The following ARRB2 variants were observed in gnomAD, a reference collection of about 807,000 sequenced individuals.
The protein encoded by ARRB2 is beta-arrestin-2.
A neutral mutation model predicts 53.4 loss-of-function variants in ARRB2; 21 were observed. That is an observed-to-expected ratio of 0.39 (90% CI 0.28 to 0.57). The LOEUF is 0.57. ARRB2 is among the 20% of genes least tolerant of loss of function. The pLI, the probability that ARRB2 is intolerant of heterozygous loss-of-function variation, is 0.55. For missense variants in ARRB2, 369 were observed against 527.5 expected (o/e 0.70, Z 2.94); for synonymous variants, 180 against 212.9 (o/e 0.85, Z 1.34).
rs988113358 is a variant in ARRB2, at chr17:4,715,812, G to A, written c.55-161G>A. The A allele has an allele frequency of 4.1e-5, 31 of 762,240 alleles. 1 individual carries two copies. The highest frequency in any genetic ancestry group is 1.7e-5 in the Non-Finnish European group (8 of 464,070). The allele number at this position is 762,240 out of a possible 1,614,324, so 47.2% of individuals were successfully genotyped here. ...CTAAAGGTCCACTAGTCTGAGAAAC[G>A]CCACCACCCTCACTTTCCAACACTA... On this transcript the variant is annotated intron_variant, in intron 2 of 14. Transcript: ENST00000269260.
At chr17:4,712,662 A>G (rs1914530779) in intron 1 of ARRB2, among the ~76,000 whole-genome samples, 1 of 152,250 alleles carries the variant, frequency 6.6e-6, no homozygotes, top group Non-Finnish European at 1.5e-5. Context: ...GAACAGGCCC[A>G]CAATTGGCCA....
chr17:4,719,655 G>T (rs1915488164), intron 11 of ARRB2, among the ~76,000 whole-genome samples: 1 of 152,174 alleles, frequency 6.6e-6, no homozygotes, highest in African/African-American at 2.4e-5. Flanking sequence ...GCAGTGAGGT[G>T]CGAAGGTGAA....
rs528072810 is a variant in ARRB2 at position 4,720,698 on chromosome 17, A to C, written c.1136+58A>C. The C allele has an allele frequency of 9.2e-6, 13 of 1,415,104 alleles. No homozygotes were observed. The East Asian group carries it at 2.7e-4, about 30-fold the overall frequency. 87.7% of individuals were successfully genotyped at this position (1,415,104 alleles called of 1,614,324 possible). A position where few individuals can be genotyped will look rare whatever the true frequency, so the allele number is the denominator to read the frequency against. On this transcript the variant is annotated intron_variant, in intron 14 of 14. Coordinates refer to ENST00000269260, the MANE Select transcript of ARRB2 (RefSeq NM_004313.4). ...GGGACAAAGATTCCTATAACATTCA[A>C]ATCTGCCCTCATACCTCTTCCTTGC... is the stretch of plus-strand genomic sequence containing the variant.
chr17:4,715,245 G>A, intron 2 of ARRB2: 1 of 635,620 alleles, frequency 1.6e-6, no homozygotes, highest in Non-Finnish European at 2.6e-6. Context: ...CACAGGGCTG[G>A]GTGGGGCAGG....
At chr17:4,718,414 C>A in intron 9 of ARRB2, 69 bp downstream of exon 9, 1 of 1,518,122 alleles carries the variant, frequency 6.6e-7, no homozygotes, top group Non-Finnish European at 9.1e-7. Context: ...CTGGTGTGAT[C>A]TCAGCCCAGG....
At chr17:4,715,221 C>T (rs1914821441) in intron 2 of ARRB2, 178 bp downstream of exon 2, 2 of 712,362 alleles carry the variant, frequency 2.8e-6, no homozygotes, top group Non-Finnish European at 4.5e-6. Context: ...AGAGGCTGCT[C>T]AGCCTGAGCC....
At position 4,720,294 on chromosome 17, in the gene ARRB2, A is replaced by T. The variant is rs1316090749; in HGVS notation, c.996A>T (p.Arg332=). The part of the protein sequence containing the change: ...YRVKVKLVVS[R]GGDVSVELPF... ...TCAAGGTGAAGCTGGTGGTGTCTCG[A>T]GGCGGGTGAGTGTCATGGGGGAGCC... Residue 332 remains arginine, a synonymous_variant, in exon 12 of 15, where the codon CGA becomes CGT. Transcript: ENST00000269260. 1.2e-6 allele frequency: 2 copies of T among 1,613,730 alleles called. No homozygotes were observed. Among genetic ancestry groups the T allele is most frequent in the Non-Finnish European group, 1.7e-6 (2 of 1,179,944 alleles).
Position 4,717,817 on chromosome 17 carries a change from G to A in ARRB2, c.485+65G>A, listed in dbSNP as rs1049979407. ...TTCCTCCCCGCTTCCAGGAGCCCAGGCCCCGTGCGGGGGAGGAGTAGGGTT... is the reference window on the plus strand; with the variant it reads ...TTCCTCCCCGCTTCCAGGAGCCCAGACCCCGTGCGGGGGAGGAGTAGGGTT... On this transcript the variant is annotated intron_variant, in intron 7 of 14. Transcript: ENST00000269260. The surrounding 1 kb of genome is among the most constrained non-coding windows in gnomAD (Gnocchi z 6.0). 2.5e-6 allele frequency: 4 copies of A among 1,601,864 alleles called. No homozygotes were observed. The African/African-American group carries it at 5.3e-5, about 21-fold the overall frequency.
chr17:4,720,091 G>C (rs928650293), intron 11 of ARRB2, 125 bp from the exon 12 acceptor site: 1 of 943,452 alleles, frequency 1.1e-6, no homozygotes, highest in Non-Finnish European at 1.6e-6. Flanking sequence ...GCACGGCCTG[G>C]GCTGCTGGGG....
intron 14 of ARRB2, 57 bp from the exon 15 acceptor site, chr17:4,720,889 G>A (rs1225759239): frequency 6.4e-7 from 1 of 1,558,198 alleles, no homozygotes; most frequent in East Asian, 2.3e-5. Context: ...CAGGGAGTGG[G>A]AGGCTGGGAC....
chr17:4,720,097 T>TGGGGCCCTG, intron 11 of ARRB2, 119 bp from the exon 12 acceptor site: 1 of 1,015,916 alleles, frequency 9.8e-7, no homozygotes, highest in East Asian at 2.6e-5. Flanking sequence ...CCTGGGCTGC[T>TGGGGCCCTG]GGGGCCCTGG....
Position 4,717,507 on chromosome 17 carries a change from C to A in ARRB2, c.418-178C>A. The stretch of plus-strand genomic sequence containing the variant: ...GGGATGGGGGCTCCCCTTGCACTAC[C>A]ATGACCAAGCCTCTGCCAGGTTCTG... On this transcript the variant is annotated intron_variant, in intron 6 of 14. Coordinates refer to ENST00000269260, the MANE Select transcript of ARRB2 (RefSeq NM_004313.4). The surrounding 1 kb of genome is among the most constrained non-coding windows in gnomAD (Gnocchi z 6.0). The A allele has an allele frequency of 1.1e-6, 1 of 951,942 alleles. No individual in the cohort carries two copies. The highest frequency in any genetic ancestry group is 1.6e-6 in the Non-Finnish European group (1 of 629,356). 59.0% of individuals were successfully genotyped at this position (951,942 alleles called of 1,614,324 possible). A position where few individuals can be genotyped will look rare whatever the true frequency, so the allele number is the denominator to read the frequency against.
At chr17:4,716,072 G>C (rs1914995611) in intron 3 of ARRB2, 39 bp downstream of exon 3, 2 of 1,614,080 alleles carry the variant, frequency 1.2e-6, no homozygotes, top group Admixed American at 1.7e-5. Flanking sequence ...TTCCCCAAGA[G>C]GGGAAGAAGT....
At position 4,718,649 on chromosome 17, in the gene ARRB2, C is replaced by G. The variant is rs1041792430; in HGVS notation, c.744C>G (p.Ala248=). 20 of 1,613,764 alleles carry G rather than the reference C, an allele frequency of 1.2e-5. No homozygotes were observed. Among genetic ancestry groups the G allele is most frequent in the Non-Finnish European group, 1.6e-5 (19 of 1,180,014 alleles). ...CCGACATCTGCCTCTTCAGCACCGC[C>G]CAGTACAAGTGTCCTGTGGCTCAAC... The part of the protein sequence containing the change: ...QYADICLFST[A]QYKCPVAQLE... Residue 248 remains alanine, a synonymous_variant, in exon 10 of 15, where the codon GCC becomes GCG. Coordinates refer to ENST00000269260, the MANE Select transcript of ARRB2 (RefSeq NM_004313.4).
In ARRB2 at chr17:4,710,667, G is replaced by C. The variant is rs988599937; in HGVS notation, c.-55G>C. On this transcript the variant is annotated 5_prime_UTR_variant, in exon 1 of 15. Coordinates refer to ENST00000269260, the MANE Select transcript of ARRB2 (RefSeq NM_004313.4). ...GGGGAGGAGCAGGGATCTTGGCAGC[G>C]GGCGAGGAGGCTGCGAGCGAGCCGC... is the stretch of plus-strand genomic sequence containing the variant. The C allele has an allele frequency of 1.0e-5, 4 of 398,638 alleles. No homozygotes were observed. Among genetic ancestry groups the C allele is most frequent in the East Asian group, 7.1e-5 (2 of 28,044 alleles). 24.7% of individuals were successfully genotyped at this position (398,638 alleles called of 1,614,324 possible). A position where few individuals can be genotyped will look rare whatever the true frequency, so the allele number is the denominator to read the frequency against.
chr17:4,716,584 G>A lies in ARRB2; in HGVS notation c.333G>A (p.Gln111=). The A allele has an allele frequency of 7.4e-7, 1 of 1,348,622 alleles. No individual in the cohort carries two copies. The highest frequency in any genetic ancestry group is 9.8e-7 in the Non-Finnish European group (1 of 1,018,784). 83.5% of individuals were successfully genotyped at this position (1,348,622 alleles called of 1,614,324 possible). A position where few individuals can be genotyped will look rare whatever the true frequency, so the allele number is the denominator to read the frequency against. Residue 111 remains glutamine, a synonymous_variant, in exon 5 of 15, where the codon CAG becomes CAA. Coordinates refer to ENST00000269260, the MANE Select transcript of ARRB2 (RefSeq NM_004313.4). ...ACCGGCTGCTGAGGAAGCTGGGCCA[G>A]CATGCCCACCCCTTCTTCTTCACCG... ...LQDRLLRKLG[Q]HAHPFFFTIP...
At chr17:4,711,840 C>G (rs1914438513) in intron 1 of ARRB2, among the ~76,000 whole-genome samples, 1 of 152,184 alleles carries the variant, frequency 6.6e-6, no homozygotes, top group African/African-American at 2.4e-5. Flanking sequence ...TCCCTCACCC[C>G]CATGAAATTC....
chr17:4,713,364 G>A (rs555300894), intron 1 of ARRB2, among the ~76,000 whole-genome samples: 1 of 152,232 alleles, frequency 6.6e-6, no homozygotes, highest in African/African-American at 2.4e-5. Context: ...CGGGCGTGGT[G>A]GCTCACGCCT....
rs1229675013 is a variant in ARRB2, at chr17:4,717,825, C to T, written c.486-63C>T. ...CGCTTCCAGGAGCCCAGGCCCCGTG[C>T]GGGGGAGGAGTAGGGTTGGGGTGTG... On this transcript the variant is annotated intron_variant, in intron 7 of 14. Coordinates refer to ENST00000269260, the MANE Select transcript of ARRB2 (RefSeq NM_004313.4). This position sits in a 1 kb window ranked among gnomAD's most constrained non-coding sequence, Gnocchi z 6.0. The T allele has an allele frequency of 5.0e-6, 8 of 1,601,672 alleles. No individual in the cohort carries two copies. The highest frequency in any genetic ancestry group is 2.7e-5 in the African/African-American group (2 of 74,870).
Sources: gnomAD v4.1 joint callset for allele counts (sites outside exome capture counted in the v4.1 genomes callset) on GRCh38, gnomAD v4.1.1 for gene constraint, Gnocchi (gnomAD v3.1) non-coding constraint, MANE v1.5 for transcripts, NCBI Gene and HGNC (gene_info 2026-07-23, HGNC 2026-07-21) for gene names.